Variants in EIF4G3 observed in about 807,000 individuals in gnomAD.
EIF4G3 encodes the protein eukaryotic translation initiation factor 4 gamma 3.
EIF4G3 carries 34 observed loss-of-function variants against 186.4 expected under a neutral mutation model. That is an observed-to-expected ratio of 0.18 (90% CI 0.14 to 0.24). The LOEUF (loss-of-function observed/expected upper bound fraction) is 0.24. Among genes scored for constraint, EIF4G3 ranks in the 10% least tolerant of loss-of-function variants. The pLI is 1.00. For synonymous variants in EIF4G3, 673 were observed against 679.5 expected, an observed-to-expected ratio of 0.99 and a Z score of 0.15; for missense variants, 1,536 against 1,948.5, an observed-to-expected ratio of 0.79 and a Z score of 3.99.
chr1:20,958,180 C>G (rs538527968), intron 12 of EIF4G3, among the ~76,000 whole-genome samples: 1 of 152,254 alleles, frequency 6.6e-6, no homozygotes, highest in South Asian at 2.1e-4. Flanking sequence ...TGCAACAGCA[C>G]ATCAAAAAGA....
intron 3 of EIF4G3, among the ~76,000 whole-genome samples, chr1:21,085,096 G>A (rs2095917569): frequency 6.6e-6 from 1 of 150,436 alleles, no homozygotes; most frequent in East Asian, 1.9e-4. Context: ...AAGCTGATAC[G>A]AGATAAAGGG....
At chr1:20,931,840 G>A (rs759179024) in intron 14 of EIF4G3, among the ~76,000 whole-genome samples, 3 of 151,842 alleles carry the variant, frequency 2.0e-5, no homozygotes, top group South Asian at 2.1e-4. Flanking sequence ...CAGAAGAATC[G>A]CTTGAACCCG....
intron 19 of EIF4G3, among the ~76,000 whole-genome samples, chr1:20,885,913 G>GT (rs2083976309): frequency 6.6e-6 from 1 of 152,118 alleles, no homozygotes; most frequent in Non-Finnish European, 1.5e-5. Context: ...ATCTAAAAAT[G>GT]TATTTTAAAG....
chr1:21,133,255 C>T lies in EIF4G3; in HGVS notation c.-272+42920G>A, dbSNP rs190413596. Among the ~76,000 whole-genome samples, 34 of 151,754 alleles carry T rather than the reference C, an allele frequency of 2.2e-4. No homozygotes were observed. The East Asian group carries it at 4.9e-3, about 22-fold the overall frequency. The stretch of plus-strand genomic sequence containing the variant: ...TTCTTTTTTTTTTGAGACGGAGTCT[C>T]GCTGTGTCACCCAGGCTGGAGTGCA... On this transcript the variant is annotated intron_variant, in intron 2 of 36. Coordinates refer to ENST00000602326, the MANE Select transcript of EIF4G3 (RefSeq NM_001391906.1).
intron 2 of EIF4G3, among the ~76,000 whole-genome samples, chr1:21,115,960 C>T (rs1225470701): frequency 2.6e-5 from 4 of 151,992 alleles, no homozygotes; most frequent in African/African-American, 7.3e-5. Context: ...CTGGCCTTAA[C>T]CAATCCTCTT....
At chr1:20,909,505 T>C (rs915642914) in intron 14 of EIF4G3, among the ~76,000 whole-genome samples, 5 of 150,512 alleles carry the variant, frequency 3.3e-5, no homozygotes, top group African/African-American at 9.7e-5. Context: ...AGAGCACTTA[T>C]AAAGTATAGA....
chr1:21,041,098 T>TGTAG (rs1384785292), intron 4 of EIF4G3, among the ~76,000 whole-genome samples: 58 of 152,314 alleles, frequency 3.8e-4, no homozygotes, highest in African/African-American at 1.4e-3. Context: ...TTAAATTTAA[T>TGTAG]TCGACTACAT....
chr1:20,821,484 C>G (rs2062334644), intron 33 of EIF4G3, among the ~76,000 whole-genome samples: 1 of 152,220 alleles, frequency 6.6e-6, no homozygotes, highest in Non-Finnish European at 1.5e-5. Flanking sequence ...ACAGTTGGCT[C>G]TAACAGATCT....
At chr1:21,107,020 T>C (rs2096629878) in intron 2 of EIF4G3, among the ~76,000 whole-genome samples, 1 of 152,208 alleles carries the variant, frequency 6.6e-6, no homozygotes. Flanking sequence ...TGCTAAAATT[T>C]CTTTCAGCAT....
chr1:20,944,971 C>T (rs1169843147), intron 13 of EIF4G3, among the ~76,000 whole-genome samples: 1 of 152,162 alleles, frequency 6.6e-6, no homozygotes, highest in African/African-American at 2.4e-5. Flanking sequence ...CACCACTGTA[C>T]TTCAGCCTGG....
At chr1:21,172,122 A>C (rs1192038825) in intron 2 of EIF4G3, among the ~76,000 whole-genome samples, 1 of 148,196 alleles carries the variant, frequency 6.7e-6, no homozygotes, top group Non-Finnish European at 1.5e-5. Context: ...CTCTAGCAAA[A>C]AAAAAAAAAA....
At chr1:21,138,347 C>A (rs1209393498) in intron 2 of EIF4G3, among the ~76,000 whole-genome samples, 2 of 152,056 alleles carry the variant, frequency 1.3e-5, no homozygotes, top group African/African-American at 4.8e-5. Context: ...TCACAATGAC[C>A]CAAGTCCCTC....
At chr1:21,050,600 T>C (rs1323787159) in intron 4 of EIF4G3, among the ~76,000 whole-genome samples, 1 of 152,198 alleles carries the variant, frequency 6.6e-6, no homozygotes, top group Non-Finnish European at 1.5e-5. Flanking sequence ...TCCAGTAAAC[T>C]TTAGAATAAA....
chr1:21,068,351 G>A (rs1327455740), intron 3 of EIF4G3, among the ~76,000 whole-genome samples: 2 of 127,552 alleles, frequency 1.6e-5, no homozygotes, highest in East Asian at 4.4e-4. Flanking sequence ...CTCCAGTCTG[G>A]GCGACAGAGT....
intron 20 of EIF4G3, among the ~76,000 whole-genome samples, chr1:20,875,280 G>A (rs2080429925): frequency 6.6e-6 from 1 of 152,262 alleles, no homozygotes; most frequent in African/African-American, 2.4e-5. Context: ...CACTGCACCT[G>A]GTCCTAGTTA....
chr1:21,133,479 C>A (rs1476926028), intron 2 of EIF4G3, among the ~76,000 whole-genome samples: 1 of 152,192 alleles, frequency 6.6e-6, no homozygotes, highest in Non-Finnish European at 1.5e-5. Flanking sequence ...CCCACCCCGG[C>A]CTCCCAAAGT....
At position 20,895,428 on chromosome 1, in the gene EIF4G3, C is replaced by A; in HGVS notation, c.2073G>T (p.Met691Ile). The change falls in exon 17 of 37, where the codon ATG becomes ATT. Residue 691 changes from methionine (M) to isoleucine (I), a missense_variant. Around this residue, in one of 11 missense-constraint regions of EIF4G3, gnomAD observed 139 missense variants for 192.8 expected, o/e 0.72. Coordinates refer to ENST00000602326, the MANE Select transcript of EIF4G3 (RefSeq NM_001391906.1). Reference protein sequence around the residue: ...DREFLLDFQFMPACIQKPEGL... With the variant: ...DREFLLDFQFIPACIQKPEGL... ...CCTCTGGTTTTTGTATACAGGCAGG[C>A]ATGAACTGGAAGTCCAGCAGAAACT... 1 of 1,614,046 alleles carries A rather than the reference C, an allele frequency of 6.2e-7. No individual in the cohort carries two copies. The highest frequency in any genetic ancestry group is 8.5e-7 in the Non-Finnish European group (1 of 1,179,974).
chr1:20,963,611 G>GA (rs964361203), intron 12 of EIF4G3, among the ~76,000 whole-genome samples: 9 of 151,984 alleles, frequency 5.9e-5, no homozygotes, highest in Admixed American at 2.0e-4. Context: ...AAGCAGGGGG[G>GA]AAAAAGAGTA....
chr1:20,871,858 C>T (rs1451113555), intron 20 of EIF4G3, among the ~76,000 whole-genome samples: 1 of 151,732 alleles, frequency 6.6e-6, no homozygotes, highest in Non-Finnish European at 1.5e-5. Flanking sequence ...GGGTCTCGCT[C>T]TGTCACCCAG....
Sources: allele counts gnomAD v4.1 joint callset (sites outside exome capture counted in the v4.1 genomes callset), GRCh38; gene constraint gnomAD v4.1.1; regional missense constraint gnomAD v4.1.1; transcripts MANE v1.5; gene names NCBI Gene and HGNC (gene_info 2026-07-23, HGNC 2026-07-21).